The following EPHA6 variants were observed in gnomAD, a reference collection of about 807,000 sequenced individuals.
EPHA6 encodes the protein ephrin type-A receptor 6.
A neutral mutation model predicts 112.0 loss-of-function variants in EPHA6; 50 were observed. That is an observed-to-expected ratio of 0.45 (90% CI 0.36 to 0.56). The LOEUF (loss-of-function observed/expected upper bound fraction) is 0.56, where lower values mean the gene tolerates loss of function less well. EPHA6 is among the 20% of genes least tolerant of loss of function. The probability of loss-of-function intolerance (pLI) is 0.00; values close to 1 mark genes in which losing one functional copy is unlikely to be tolerated. For synonymous variants in EPHA6, 529 were observed against 490.7 expected, an observed-to-expected ratio of 1.08 and a Z score of -1.03; for missense variants, 1,280 against 1,417.4, an observed-to-expected ratio of 0.90 and a Z score of 1.56.
intron 3 of EPHA6, among the ~76,000 whole-genome samples, chr3:97,081,948 ATAT>A (rs923464849): frequency 2.6e-5 from 4 of 151,658 alleles, no homozygotes; most frequent in African/African-American, 9.7e-5. Flanking sequence ...ATTTATCCAA[ATAT>A]TATGTGTTAA....
chr3:97,099,584 A>G (rs1273760292), intron 3 of EPHA6, among the ~76,000 whole-genome samples: 3 of 151,908 alleles, frequency 2.0e-5, no homozygotes, highest in Non-Finnish European at 2.9e-5. Flanking sequence ...ATTTCCCAGC[A>G]TATCTTATCG....
At chr3:97,198,878 A>G (rs2077508497) in intron 3 of EPHA6, among the ~76,000 whole-genome samples, 1 of 152,148 alleles carries the variant, frequency 6.6e-6, no homozygotes, top group Admixed American at 6.5e-5. Context: ...ATATTTGTAT[A>G]TATATAATTG....
At chr3:97,473,130 A>G (rs561776841) in intron 7 of EPHA6, among the ~76,000 whole-genome samples, 26 of 151,876 alleles carry the variant, frequency 1.7e-4, no homozygotes, top group Non-Finnish European at 3.1e-4. Context: ...CACAATCTAT[A>G]GCATTTTACT....
chr3:97,502,630 C>T (rs1197344755), intron 10 of EPHA6, among the ~76,000 whole-genome samples: 1 of 151,208 alleles, frequency 6.6e-6, no homozygotes, highest in Non-Finnish European at 1.5e-5. Context: ...GTCAGGAGAT[C>T]GAGACCATCC....
At chr3:97,090,497 G>T (rs2047030461) in intron 3 of EPHA6, among the ~76,000 whole-genome samples, 1 of 151,978 alleles carries the variant, frequency 6.6e-6, no homozygotes, top group Non-Finnish European at 1.5e-5. Context: ...AGCTCAATAA[G>T]TTTGTAAATT....
At chr3:97,492,609 G>C (rs186860258) in intron 10 of EPHA6, among the ~76,000 whole-genome samples, 35 of 115,296 alleles carry the variant, frequency 3.0e-4, no homozygotes, top group African/African-American at 1.0e-3. Context: ...GGATAATGTA[G>C]CATCTCAGAC....
intron 11 of EPHA6, among the ~76,000 whole-genome samples, chr3:97,552,265 G>T (rs1014788599): frequency 3.3e-5 from 5 of 152,170 alleles, no homozygotes; most frequent in Admixed American, 6.6e-5. Context: ...TAATGCTACT[G>T]GTTCTTTGGT....
intron 5 of EPHA6, among the ~76,000 whole-genome samples, chr3:97,257,107 A>T (rs1413768714): frequency 6.6e-6 from 1 of 152,010 alleles, no homozygotes; most frequent in Non-Finnish European, 1.5e-5. Flanking sequence ...TTCAGGGAAA[A>T]CTATTATTTA....
intron 13 of EPHA6, among the ~76,000 whole-genome samples, chr3:97,624,695 A>T (rs909946875): frequency 1.3e-5 from 2 of 151,588 alleles, no homozygotes; most frequent in African/African-American, 4.8e-5. Flanking sequence ...GATTTTCTTT[A>T]TCAAGAGATT....
Position 96,948,986 on chromosome 3 carries a change from T to A in EPHA6, c.451-38344T>A, listed in dbSNP as rs532736315. ...TATGCCGTGGAGTCCTGCTATGCTG[T>A]TGACCATCACCATGTATGGTGTTTT... On this transcript the variant is annotated intron_variant, in intron 2 of 17. Coordinates refer to ENST00000389672, the MANE Select transcript of EPHA6 (RefSeq NM_001080448.3). Among the ~76,000 whole-genome samples the A allele has an allele frequency of 1.2e-4, 18 of 152,262 alleles. No individual in the cohort carries two copies. In the East Asian group the frequency reaches 1.9e-3, roughly 16 times the overall value.
intron 15 of EPHA6, among the ~76,000 whole-genome samples, chr3:97,723,097 G>A (rs2034605203): frequency 6.6e-6 from 1 of 152,148 alleles, no homozygotes; most frequent in Non-Finnish European, 1.5e-5. Context: ...AATGGAATAA[G>A]GAATGATTCA....
At chr3:97,046,420 TA>T in intron 3 of EPHA6, among the ~76,000 whole-genome samples, 1 of 152,256 alleles carries the variant, frequency 6.6e-6, no homozygotes, top group African/African-American at 2.4e-5. Context: ...ACAATGTCCT[TA>T]AAACAGTAAA....
intron 3 of EPHA6, among the ~76,000 whole-genome samples, chr3:97,035,003 C>G (rs1244809547): frequency 1.3e-5 from 2 of 151,974 alleles, no homozygotes; most frequent in Non-Finnish European, 2.9e-5. Context: ...TGCCAAACTT[C>G]TAAGAATAAT....
chr3:97,130,540 G>C (rs1576541745), intron 3 of EPHA6, among the ~76,000 whole-genome samples: 1 of 151,820 alleles, frequency 6.6e-6, no homozygotes, highest in East Asian at 1.9e-4. Flanking sequence ...TCATTTTTCT[G>C]CACCTGTTAA....
At chr3:97,608,206 A>G (rs1181474107) in intron 12 of EPHA6, among the ~76,000 whole-genome samples, 1 of 151,316 alleles carries the variant, frequency 6.6e-6, no homozygotes, top group African/African-American at 2.4e-5. Flanking sequence ...AAACCAGGGA[A>G]GCCTTCATTT....
chr3:97,595,710 G>A (rs2093583050), intron 12 of EPHA6, among the ~76,000 whole-genome samples: 1 of 151,300 alleles, frequency 6.6e-6, no homozygotes, highest in Non-Finnish European at 1.5e-5. Flanking sequence ...AGGAAGCGAA[G>A]GAGAAAAGAG....
rs539489963 is a variant in EPHA6, at chr3:96,972,774, A to T, written c.451-14556A>T. The stretch of plus-strand genomic sequence containing the variant: ...ACTTATCCTTGCCATTTGAAAATAT[A>T]ATTAGCTTTCCAATAGTCCGTTCTG... On this transcript the variant is annotated intron_variant, in intron 2 of 17. Coordinates refer to ENST00000389672, the MANE Select transcript of EPHA6 (RefSeq NM_001080448.3). Among the ~76,000 whole-genome samples, 460 of 152,286 alleles carry T rather than the reference A, an allele frequency of 3.0e-3. 2 individuals are homozygous for T. The highest frequency in any genetic ancestry group is 0.01 in the African/African-American group (435 of 41,566).
chr3:97,260,253 G>T (rs979139053), intron 5 of EPHA6, among the ~76,000 whole-genome samples: 2 of 152,228 alleles, frequency 1.3e-5, no homozygotes, highest in African/African-American at 2.4e-5. Context: ...CCCTAACAGA[G>T]TGTGGAGCCT....
rs1374578503 is a variant in EPHA6, at chr3:97,716,570, G to A, written c.2785-3691G>A. Among the ~76,000 whole-genome samples, 5 of 117,690 alleles carry A rather than the reference G, an allele frequency of 4.2e-5. 1 individual carries two copies. Among genetic ancestry groups the A allele is most frequent in the East Asian group, 2.7e-4 (1 of 3,742 alleles). The allele number at this position is 117,690 out of a possible 152,430, so 77.2% of individuals were successfully genotyped here. A position where few individuals can be genotyped will look rare whatever the true frequency, so the allele number is the denominator to read the frequency against. On this transcript the variant is annotated intron_variant, in intron 14 of 17. Transcript: ENST00000389672. Reference sequence around the variant, plus strand: ...GGCCCGGGCGACAGAGCGAGACTCCGTCTCAAAAAAAAAAAAAAAAAAAAA... The same window carrying A: ...GGCCCGGGCGACAGAGCGAGACTCCATCTCAAAAAAAAAAAAAAAAAAAAA...
Sources: gnomAD v4.1 joint callset for allele counts (sites outside exome capture counted in the v4.1 genomes callset) on GRCh38, gnomAD v4.1.1 for gene constraint, MANE v1.5 for transcripts, NCBI Gene and HGNC (gene_info 2026-07-23, HGNC 2026-07-21) for gene names.